Variants in COPG2 observed in about 807,000 individuals in gnomAD.
The protein encoded by COPG2 is coatomer subunit gamma-2.
COPG2 carries 37 observed loss-of-function variants against 46.3 expected under a neutral mutation model. The ratio of observed to expected loss-of-function variants is 0.80; its 90% confidence interval spans 0.61 to 1.05. COPG2 has a LOEUF of 1.05. COPG2 is among the 50% of genes least tolerant of loss of function. COPG2 has a pLI of 0.00. For synonymous variants in COPG2, 159 were observed against 129.7 expected (o/e 1.23, Z -1.53); for missense variants, 427 against 387.8 (o/e 1.10, Z -0.85).
chr7:130,661,042 G>A (rs1380297496), intron 4 of COPG2, among the ~76,000 whole-genome samples: 1 of 152,098 alleles, frequency 6.6e-6, no homozygotes, highest in African/African-American at 2.4e-5. Flanking sequence ...GGCTGTAGCT[G>A]GAGAAAAACA....
intron 3 of COPG2, among the ~76,000 whole-genome samples, chr7:130,663,896 G>A (rs186166544): frequency 2.6e-5 from 4 of 151,826 alleles, no homozygotes; most frequent in East Asian, 1.9e-4. Context: ...GCACCACCAC[G>A]CCCAACTAAT....
At chr7:130,584,994 A>G (rs912597946) in intron 9 of COPG2, among the ~76,000 whole-genome samples, 2 of 151,928 alleles carry the variant, frequency 1.3e-5, no homozygotes, top group African/African-American at 4.8e-5. Context: ...GAACCAAAAA[A>G]GAGCCCATAG....
intron 16 of COPG2, among the ~76,000 whole-genome samples, chr7:130,550,900 G>A (rs1793527674): frequency 6.6e-6 from 1 of 152,072 alleles, no homozygotes; most frequent in Admixed American, 6.5e-5. Context: ...GTACCTCCCA[G>A]AAAAGAAAGC....
chr7:130,561,432 G>C (rs1180944520), intron 11 of COPG2, among the ~76,000 whole-genome samples: 1 of 152,112 alleles, frequency 6.6e-6, no homozygotes, highest in Non-Finnish European at 1.5e-5. Context: ...CTTTTGTTAG[G>C]TTCCTCTAAC....
At chr7:130,517,263 C>T (rs889235655) in intron 20 of COPG2, among the ~76,000 whole-genome samples, 4 of 152,058 alleles carry the variant, frequency 2.6e-5, no homozygotes, top group East Asian at 1.9e-4. Context: ...AAAGGACCAT[C>T]GTATAAAACA....
rs531279473 is a variant in COPG2, at chr7:130,588,418, C to T, written c.737+22535G>A. ...ACCCAAATGTCCAACAATGATAGACCGGATTAAGAAAATGTGGCCCATATA... is the reference window on the plus strand; with the variant it reads ...ACCCAAATGTCCAACAATGATAGACTGGATTAAGAAAATGTGGCCCATATA... On this transcript the variant is annotated intron_variant, in intron 9 of 23. Transcript: ENST00000425248. Among the ~76,000 whole-genome samples the T allele has an allele frequency of 5.3e-3, 807 of 151,636 alleles. 4 individuals are homozygous for T. The highest frequency in any genetic ancestry group is 0.011 in the East Asian group (59 of 5,170).
At chr7:130,595,266 C>T (rs906703660) in intron 9 of COPG2, among the ~76,000 whole-genome samples, 1 of 152,074 alleles carries the variant, frequency 6.6e-6, no homozygotes, top group Non-Finnish European at 1.5e-5. Context: ...AACAAAAGGC[C>T]ACATATTGTG....
rs1158756643 is a variant in COPG2, at chr7:130,526,580, GGGCAGGACAGCCACA to G, written c.2150-17936_2150-17922del. On this transcript the variant is annotated intron_variant, in intron 20 of 23. Coordinates refer to ENST00000425248, the MANE Select transcript of COPG2 (RefSeq NM_012133.6). ...GCAGAAAGCGTGGTGGAAGGGAGCT[GGGCAGGACAGCCACA>G]GGCAGGACAGCCATAGGTGGAGTGA... 4.0e-3 allele frequency among the ~76,000 whole-genome samples: 605 copies of G among 152,040 alleles called. 17 individuals are homozygous for G. Among genetic ancestry groups the G allele is most frequent in the Admixed American group, 0.037 (572 of 15,266 alleles).
intron 9 of COPG2, chr7:130,602,854 C>T (rs1327108502): frequency 3.3e-5 from 5 of 152,096 alleles, no homozygotes; most frequent in Admixed American, 2.0e-4. Context: ...CAGGCCCAAC[C>T]TTGCTTAGCT....
At chr7:130,594,952 G>A (rs1298938628) in intron 9 of COPG2, among the ~76,000 whole-genome samples, 1 of 152,116 alleles carries the variant, frequency 6.6e-6, no homozygotes, top group Non-Finnish European at 1.5e-5. Flanking sequence ...AAAACAGTTT[G>A]GCAGTTCCTC....
intron 9 of COPG2, among the ~76,000 whole-genome samples, chr7:130,585,786 G>A (rs1554447896): frequency 6.6e-6 from 1 of 151,996 alleles, no homozygotes; most frequent in Non-Finnish European, 1.5e-5. Flanking sequence ...ACTCCTGCAA[G>A]AATGGCCACA....
At chr7:130,567,820 C>A (rs1793828564) in intron 9 of COPG2, among the ~76,000 whole-genome samples, 1 of 152,088 alleles carries the variant, frequency 6.6e-6, no homozygotes, top group African/African-American at 2.4e-5. Flanking sequence ...AGTCCTAAAT[C>A]TTGAAACAAA....
rs918676625 is a variant in COPG2 at position 130,557,265 on chromosome 7, G to A, written c.1129-2133C>T. Among the ~76,000 whole-genome samples the A allele has an allele frequency of 4.7e-3, 713 of 151,900 alleles. 4 individuals carry two copies. Among genetic ancestry groups the A allele is most frequent in the Middle Eastern group, 0.01 (3 of 294 alleles). On this transcript the variant is annotated intron_variant, in intron 12 of 23. Transcript: ENST00000425248. ...AAACATTTATAATAGCAATGAAAAA[G>A]GTAAGTTATTTAGAAATAAGCATTT...
rs184623270 is a variant in COPG2 at position 130,624,472 on chromosome 7, A to G, written c.324-7407T>C. Among the ~76,000 whole-genome samples, 36 of 152,030 alleles carry G rather than the reference A, an allele frequency of 2.4e-4. No homozygotes were observed. The East Asian group carries it at 6.6e-3, about 28-fold the overall frequency. On this transcript the variant is annotated intron_variant, in intron 5 of 23. Coordinates refer to ENST00000425248, the MANE Select transcript of COPG2 (RefSeq NM_012133.6). ...GTACAGGTGGTTTTTGGTTACATAGATAAGTTCTTTAGTGGTGATTTCTGA... is the reference window on the plus strand; with the variant it reads ...GTACAGGTGGTTTTTGGTTACATAGGTAAGTTCTTTAGTGGTGATTTCTGA...
At chr7:130,666,063 A>G (rs1796073743) in intron 3 of COPG2, among the ~76,000 whole-genome samples, 1 of 152,208 alleles carries the variant, frequency 6.6e-6, no homozygotes, top group African/African-American at 2.4e-5. Context: ...GCTTTACACT[A>G]ATTATCTCAT....
intron 17 of COPG2, among the ~76,000 whole-genome samples, chr7:130,550,227 A>C (rs1323800341): frequency 6.6e-6 from 1 of 152,060 alleles, no homozygotes; most frequent in African/African-American, 2.4e-5. Flanking sequence ...CCTGGCCAAC[A>C]TGGTGAAATC....
chr7:130,609,462 G>A (rs1794799009), intron 9 of COPG2, among the ~76,000 whole-genome samples: 2 of 152,162 alleles, frequency 1.3e-5, no homozygotes, highest in Admixed American at 1.3e-4. Flanking sequence ...TGATTGTGAG[G>A]CTTCCCCAGC....
rs1299495860 is a variant in COPG2, at chr7:130,549,344, A to C, written c.1807T>G (p.Leu603Val). The change falls in exon 18 of 24, where the codon TTG becomes GTG. Residue 603 changes from leucine to valine, a missense_variant. By Grantham distance (32) the Leu-to-Val change is conservative. Transcript: ENST00000425248. ...AAAATGTCTTGCCTGGAAGGAGCCA[A>C]CTTCTCTGGCTTAGTAGCCACAAGT... ...ITLVATKPEK[L>V]APSRQDIFQE... The C allele has an allele frequency of 2.5e-6, 1 of 398,620 alleles. No homozygotes were observed. The highest frequency in any genetic ancestry group is 3.6e-5 in the East Asian group (1 of 28,068). The allele number at this position is 398,620 out of a possible 1,614,324, so 24.7% of individuals were successfully genotyped here. A position where few individuals can be genotyped will look rare whatever the true frequency, so the allele number is the denominator to read the frequency against.
intron 9 of COPG2, among the ~76,000 whole-genome samples, chr7:130,591,147 G>C (rs1554448784): frequency 8.2e-6 from 1 of 121,932 alleles, no homozygotes; most frequent in African/African-American, 3.0e-5. Context: ...AGGTGGGGGG[G>C]GTCAGCCCCC....
Sources: gnomAD v4.1 joint callset for allele counts (sites outside exome capture counted in the v4.1 genomes callset) on GRCh38, gnomAD v4.1.1 for gene constraint, MANE v1.5 for transcripts, NCBI Gene and HGNC (gene_info 2026-07-23, HGNC 2026-07-21) for gene names.